The following DPYD variants were observed in gnomAD, a reference collection of about 807,000 sequenced individuals.
DPYD encodes the protein dihydropyrimidine dehydrogenase [NADP(+)].
In DPYD, 109 loss-of-function variants were observed where a neutral mutation model predicts 116.2. The observed-to-expected ratio is 0.94, with a 90% CI of 0.80 to 1.10. The LOEUF is 1.10. DPYD is among the 50% of genes least tolerant of loss of function. The pLI, the probability that DPYD is intolerant of heterozygous loss-of-function variation, is 0.00. For missense variants in DPYD, 1,302 were observed against 1,254.5 expected (o/e 1.04, Z -0.57); for synonymous variants, 440 against 432.0 (o/e 1.02, Z -0.23).
chr1:97,869,334 C>G (rs1473672219), intron 2 of DPYD, among the ~76,000 whole-genome samples: 2 of 151,592 alleles, frequency 1.3e-5, no homozygotes, highest in Non-Finnish European at 2.9e-5. Flanking sequence ...CAAATTTATC[C>G]AGAATTTGTG....
At chr1:97,161,849 A>G (rs1570578392) in intron 20 of DPYD, among the ~76,000 whole-genome samples, 1 of 150,370 alleles carries the variant, frequency 6.7e-6, no homozygotes, top group African/African-American at 2.4e-5. Flanking sequence ...GCGATAGTTT[A>G]CTGAGAATGA....
chr1:97,739,570 G>A (rs966538887), intron 4 of DPYD, among the ~76,000 whole-genome samples: 3 of 151,966 alleles, frequency 2.0e-5, no homozygotes, highest in Admixed American at 6.6e-5. Flanking sequence ...AACTTTATAC[G>A]TAAAAAGGCA....
At position 97,312,040 on chromosome 1, in the gene DPYD, G is replaced by T. The variant is rs923937508; in HGVS notation, c.2059-5743C>A. On this transcript the variant is annotated intron_variant, in intron 16 of 22. Coordinates refer to ENST00000370192, the MANE Select transcript of DPYD (RefSeq NM_000110.4). ...TATTTCTTGACCTGGTGGTCACATG[G>T]TGTGCACATTATGAGTTGTTAAAAA... Among the ~76,000 whole-genome samples, 42 of 151,652 alleles carry T rather than the reference G, an allele frequency of 2.8e-4. 1 individual carries two copies. The highest frequency in any genetic ancestry group is 2.8e-3 in the Admixed American group (42 of 15,176).
intron 20 of DPYD, among the ~76,000 whole-genome samples, chr1:97,149,960 T>C (rs1654900016): frequency 6.6e-6 from 1 of 152,256 alleles, no homozygotes; most frequent in African/African-American, 2.4e-5. Context: ...AAATTCTTTG[T>C]CATGGTCAAC....
intron 19 of DPYD, among the ~76,000 whole-genome samples, chr1:97,216,751 C>T (rs1047084789): frequency 4.0e-5 from 6 of 151,864 alleles, no homozygotes; most frequent in Non-Finnish European, 8.8e-5. Flanking sequence ...CTTGAGATCA[C>T]GCCACTGCAC....
intron 20 of DPYD, among the ~76,000 whole-genome samples, chr1:97,122,980 C>G (rs1652565291): frequency 6.6e-6 from 1 of 152,050 alleles, no homozygotes; most frequent in Non-Finnish European, 1.5e-5. Flanking sequence ...GTTGCCTATA[C>G]TCTCAGATAT....
chr1:97,566,880 T>C lies in DPYD; in HGVS notation c.1339+6880A>G, dbSNP rs889172234. 3.9e-5 allele frequency among the ~76,000 whole-genome samples: 6 copies of C among 152,164 alleles called. 1 individual carries two copies. The highest frequency in any genetic ancestry group is 2.0e-4 in the Admixed American group (3 of 15,266). ...AATGTTCTAGCATTCTCAATTTCAT[T>C]ATAAATTACCAAATAAGTTACATTT... On this transcript the variant is annotated intron_variant, in intron 11 of 22. Coordinates refer to ENST00000370192, the MANE Select transcript of DPYD (RefSeq NM_000110.4).
chr1:97,807,115 G>T (rs1246518383), intron 3 of DPYD, among the ~76,000 whole-genome samples: 1 of 152,054 alleles, frequency 6.6e-6, no homozygotes, highest in Admixed American at 6.6e-5. Context: ...TAAAACTGCA[G>T]TAAACATCCG....
At chr1:97,838,802 G>C (rs1451856093) in intron 2 of DPYD, among the ~76,000 whole-genome samples, 3 of 151,984 alleles carry the variant, frequency 2.0e-5, no homozygotes, top group African/African-American at 7.3e-5. Context: ...CCGAGATTGC[G>C]CCACTGCAGT....
At chr1:97,701,460 T>C (rs1661594784) in intron 5 of DPYD, among the ~76,000 whole-genome samples, 1 of 151,696 alleles carries the variant, frequency 6.6e-6, no homozygotes, top group Non-Finnish European at 1.5e-5. Flanking sequence ...ATATTATAGG[T>C]AAGTTATTTA....
At chr1:97,331,011 T>G (rs1334636044) in intron 16 of DPYD, among the ~76,000 whole-genome samples, 1 of 152,180 alleles carries the variant, frequency 6.6e-6, no homozygotes, top group Non-Finnish European at 1.5e-5. Flanking sequence ...GCAAAGCAAA[T>G]GTAATGCTGA....
chr1:97,342,253 C>T (rs1337598045), intron 16 of DPYD, among the ~76,000 whole-genome samples: 1 of 152,082 alleles, frequency 6.6e-6, no homozygotes, highest in African/African-American at 2.4e-5. Flanking sequence ...CTACTTTCTT[C>T]CTTTTAATCT....
chr1:97,886,341 C>T (rs780536008), intron 1 of DPYD, among the ~76,000 whole-genome samples: 2 of 152,028 alleles, frequency 1.3e-5, no homozygotes, highest in Non-Finnish European at 2.9e-5. Flanking sequence ...AAAACTGCAA[C>T]TGAGTGCAGC....
chr1:97,514,292 T>C, intron 13 of DPYD: 1 of 948,688 alleles, frequency 1.1e-6, no homozygotes, highest in Non-Finnish European at 1.3e-6. Flanking sequence ...CTCTGATTAA[T>C]CAGAATTCAA....
intron 18 of DPYD, among the ~76,000 whole-genome samples, chr1:97,293,852 G>T (rs1666362415): frequency 6.7e-6 from 1 of 149,664 alleles, no homozygotes; most frequent in Admixed American, 6.7e-5. Flanking sequence ...GGAAGCTGAG[G>T]CATGAGAATC....
intron 5 of DPYD, chr1:97,720,291 T>TCC: frequency 1.0e-6 from 1 of 985,530 alleles, no homozygotes; most frequent in Non-Finnish European, 1.2e-6. Context: ...ATGTGACCTT[T>TCC]CACTTACTGC....
At chr1:97,478,785 G>A (rs12759539) in intron 13 of DPYD, among the ~76,000 whole-genome samples, 32,465 of 152,108 alleles carry the variant, frequency 0.21, 3,738 homozygotes, top group Middle Eastern at 0.33. Context: ...TGTCTACATC[G>A]AAAATCTGTT....
chr1:97,273,064 TAA>T (rs1274027333), intron 18 of DPYD, among the ~76,000 whole-genome samples: 1 of 152,108 alleles, frequency 6.6e-6, no homozygotes, highest in African/African-American at 2.4e-5. Context: ...ACTATAAAAT[TAA>T]AGAGGAGACA....
At chr1:97,620,381 T>C (rs1656563258) in intron 8 of DPYD, among the ~76,000 whole-genome samples, 1 of 152,010 alleles carries the variant, frequency 6.6e-6, no homozygotes, top group South Asian at 2.1e-4. Flanking sequence ...CACTCCACTA[T>C]ATATTTATTT....
Sources: gnomAD v4.1 joint callset for allele counts (sites outside exome capture counted in the v4.1 genomes callset) on GRCh38, gnomAD v4.1.1 for gene constraint, MANE v1.5 for transcripts, NCBI Gene and HGNC (gene_info 2026-07-23, HGNC 2026-07-21) for gene names.